The following CTNND2 variants were observed in gnomAD, a reference collection of about 807,000 sequenced individuals.
CTNND2 encodes the protein catenin delta 2, also known as catenin delta-2.
A neutral mutation model predicts 144.4 loss-of-function variants in CTNND2; 22 were observed. That is an observed-to-expected ratio of 0.15 (90% CI 0.11 to 0.22). The LOEUF (loss-of-function observed/expected upper bound fraction) is 0.22. Ranked by LOEUF, CTNND2 falls within the 10% of genes least tolerant of loss-of-function variation. CTNND2 has a pLI of 1.00. For synonymous variants in CTNND2, 751 were observed against 695.6 expected (o/e 1.08, Z -1.25); for missense variants, 1,353 against 1,618.8 (o/e 0.84, Z 2.82).
At chr5:11,581,395 A>G (rs1156475336) in intron 2 of CTNND2, among the ~76,000 whole-genome samples, 8 of 152,238 alleles carry the variant, frequency 5.3e-5, no homozygotes, top group Non-Finnish European at 1.0e-4. Flanking sequence ...GTCTTTGATT[A>G]TAGTTTTGAA....
At chr5:11,596,522 T>C (rs1561604264) in intron 2 of CTNND2, among the ~76,000 whole-genome samples, 1 of 152,228 alleles carries the variant, frequency 6.6e-6, no homozygotes, top group Admixed American at 6.5e-5. Context: ...ACTTTAAAAA[T>C]ATTTATTTGC....
intron 18 of CTNND2, among the ~76,000 whole-genome samples, chr5:11,016,959 T>C (rs1327828457): frequency 7.1e-6 from 1 of 141,598 alleles, no homozygotes; most frequent in African/African-American, 2.5e-5. Context: ...GAATTATTAG[T>C]AGAGACTGGG....
chr5:11,028,532 A>G (rs1376532007), intron 16 of CTNND2, among the ~76,000 whole-genome samples: 1 of 152,008 alleles, frequency 6.6e-6, no homozygotes, highest in African/African-American at 2.4e-5. Flanking sequence ...CAACTCCCCA[A>G]CCCTTCCCTT....
At chr5:11,151,744 A>G (rs1279370571) in intron 12 of CTNND2, among the ~76,000 whole-genome samples, 1 of 152,226 alleles carries the variant, frequency 6.6e-6, no homozygotes, top group East Asian at 1.9e-4. Flanking sequence ...AAACTTTAAA[A>G]GGGAATAGCA....
intron 3 of CTNND2, among the ~76,000 whole-genome samples, chr5:11,414,361 T>C (rs1761765159): frequency 6.6e-6 from 1 of 152,146 alleles, no homozygotes; most frequent in African/African-American, 2.4e-5. Flanking sequence ...AACAAAAAAG[T>C]TCTCGTGTTA....
chr5:11,269,149 T>C (rs1745750221), intron 9 of CTNND2, among the ~76,000 whole-genome samples: 1 of 152,192 alleles, frequency 6.6e-6, no homozygotes, highest in South Asian at 2.1e-4. Context: ...GGGATTTAGT[T>C]TGCTCAGCTG....
chr5:11,216,135 A>C (rs1290779138), intron 10 of CTNND2, among the ~76,000 whole-genome samples: 4 of 152,188 alleles, frequency 2.6e-5, no homozygotes, highest in Non-Finnish European at 2.9e-5. Context: ...GGCATCCTGC[A>C]GGCAGACGTG....
chr5:11,419,441 A>C (rs1427204055), intron 3 of CTNND2, among the ~76,000 whole-genome samples: 1 of 152,224 alleles, frequency 6.6e-6, no homozygotes, highest in African/African-American at 2.4e-5. Flanking sequence ...CAATTCTGAA[A>C]TATATAATTA....
chr5:11,903,989 G>A lies in CTNND2; in HGVS notation c.-136C>T. 7.6e-6 allele frequency: 8 copies of A among 1,056,314 alleles called. No homozygotes were observed. Among genetic ancestry groups the A allele is most frequent in the East Asian group, 3.5e-5 (1 of 28,940 alleles). The allele number at this position is 1,056,314 out of a possible 1,614,324, so 65.4% of individuals were successfully genotyped here. ...TGTCTGAGCGCGGCCGCGGGACAAG[G>A]GATGCTGGCGGGCGGCAGGGGCGAG... On this transcript the variant is annotated 5_prime_UTR_variant, in exon 1 of 22. Transcript: ENST00000304623. This position sits in a 1 kb window ranked among gnomAD's most constrained non-coding sequence, Gnocchi z 5.4.
At chr5:11,849,778 T>C (rs1794927347) in intron 1 of CTNND2, among the ~76,000 whole-genome samples, 1 of 152,180 alleles carries the variant, frequency 6.6e-6, no homozygotes, top group Non-Finnish European at 1.5e-5. Flanking sequence ...ACAGGCAGTC[T>C]TACACTTAGA....
intron 3 of CTNND2, among the ~76,000 whole-genome samples, chr5:11,563,459 T>C (rs567111061): frequency 6.6e-6 from 1 of 152,338 alleles, no homozygotes; most frequent in Admixed American, 6.5e-5. Context: ...TCTCTCTCCC[T>C]AAATTCACCA....
chr5:11,835,025 C>A (rs1794098829), intron 1 of CTNND2, among the ~76,000 whole-genome samples: 1 of 152,150 alleles, frequency 6.6e-6, no homozygotes, highest in Non-Finnish European at 1.5e-5. Context: ...TGTAGTCCAG[C>A]TACTCAGGAG....
At chr5:11,386,709 T>C (rs1019138298) in intron 6 of CTNND2, among the ~76,000 whole-genome samples, 11 of 151,884 alleles carry the variant, frequency 7.2e-5, no homozygotes, top group Admixed American at 5.9e-4. Flanking sequence ...ATGTTAAGAG[T>C]GAAAGTAAAA....
At chr5:11,691,246 C>T (rs1784895300) in intron 2 of CTNND2, among the ~76,000 whole-genome samples, 1 of 151,974 alleles carries the variant, frequency 6.6e-6, no homozygotes, top group South Asian at 2.1e-4. Flanking sequence ...TGGTGGGTGC[C>T]TGTAGTCCCA....
rs995493834 is a variant in CTNND2 at position 11,610,556 on chromosome 5, C to T, written c.175-45500G>A. 5.3e-5 allele frequency among the ~76,000 whole-genome samples: 8 copies of T among 152,120 alleles called. 1 individual carries two copies. Among genetic ancestry groups the T allele is most frequent in the Admixed American group, 5.2e-4 (8 of 15,274 alleles). On this transcript the variant is annotated intron_variant, in intron 2 of 21. Transcript: ENST00000304623. ...AATTTTCACCCTCAGCCCAGGGAAC[C>T]CACCGTCCAATAAGACACTCTCCTC...
Position 10,973,476 on chromosome 5 carries a change from C to T in CTNND2, c.3655G>A (p.Ala1219Thr). 1 of 1,601,590 alleles carries T rather than the reference C, an allele frequency of 6.2e-7. No individual in the cohort carries two copies. The highest frequency in any genetic ancestry group is 8.5e-7 in the Non-Finnish European group (1 of 1,172,052). ...CCTCACACCCAGGAGTCGGGGGAGG[C>T]CGGGTAGTGGCTCGTTTCATAGTTC... ...ELNYETSHYP[A>T]SPDSWV is the part of the protein sequence containing the mutation. The change falls in exon 22 of 22, where the codon GCC becomes ACC. Residue 1219 changes from alanine to threonine, a missense_variant. By Grantham distance (58) the Ala-to-Thr change is moderately conservative (BLOSUM62 0). This residue lies in a region of CTNND2 where 459 missense variants were observed against 674.3 expected (regional missense o/e 0.68). Coordinates refer to ENST00000304623, the MANE Select transcript of CTNND2 (RefSeq NM_001332.4). The surrounding 1 kb of genome is among the most constrained non-coding windows in gnomAD (Gnocchi z 5.6).
chr5:11,851,644 T>C (rs1354224607), intron 1 of CTNND2, among the ~76,000 whole-genome samples: 2 of 152,228 alleles, frequency 1.3e-5, no homozygotes, highest in African/African-American at 4.8e-5. Flanking sequence ...ATTCCGCCTG[T>C]AGTACTGAGT....
At chr5:11,575,546 G>T (rs1174873251) in intron 2 of CTNND2, among the ~76,000 whole-genome samples, 2 of 152,052 alleles carry the variant, frequency 1.3e-5, no homozygotes, top group African/African-American at 2.4e-5. Flanking sequence ...ATGTTTTTCA[G>T]AACAGAAATA....
intron 11 of CTNND2, among the ~76,000 whole-genome samples, chr5:11,191,744 G>C (rs1333616559): frequency 6.6e-6 from 1 of 152,180 alleles, no homozygotes; most frequent in Non-Finnish European, 1.5e-5. Flanking sequence ...CCTAGGTCCT[G>C]GCCAGGAATA....
Sources: allele counts gnomAD v4.1 joint callset (sites outside exome capture counted in the v4.1 genomes callset), GRCh38; gene constraint gnomAD v4.1.1; regional missense constraint gnomAD v4.1.1; non-coding constraint Gnocchi (gnomAD v3.1); transcripts MANE v1.5; gene names NCBI Gene and HGNC (gene_info 2026-07-23, HGNC 2026-07-21).